Variants in AARSD1 observed in about 807,000 individuals in gnomAD.
AARSD1 encodes the protein alanyl-tRNA editing protein Aarsd1.
Under a neutral mutation model 48.7 loss-of-function variants are expected in AARSD1, and 44 were observed. The ratio of observed to expected loss-of-function variants is 0.90; its 90% confidence interval spans 0.71 to 1.16. AARSD1 has a LOEUF of 1.16. AARSD1 is among the 50% of genes most tolerant of loss of function. The pLI, the probability that AARSD1 is intolerant of heterozygous loss-of-function variation, is 0.00. For missense variants in AARSD1, 511 were observed against 523.1 expected (o/e 0.98, Z 0.23); for synonymous variants, 189 against 194.9 (o/e 0.97, Z 0.25).
Position 42,954,915 on chromosome 17 carries a change from C to T in AARSD1, c.914G>A (p.Arg305Lys). 1 of 1,614,146 alleles carries T rather than the reference C, an allele frequency of 6.2e-7. No individual in the cohort carries two copies. The highest frequency in any genetic ancestry group is 8.5e-7 in the Non-Finnish European group (1 of 1,180,016). Residue 305 changes from arginine (R) to lysine (K), a missense_variant, in exon 9 of 12, where the codon AGG becomes AAG. Transcript: ENST00000427569. ...CACACCTCCCCAGTCTGGACTGTTC[C>T]TGAGGCTATGGGCAATGTGCACAGC... ...DLAVHIAHSLRNSPDWGGVVI... is the reference protein window; with the variant it reads ...DLAVHIAHSLKNSPDWGGVVI...
intron 7 of AARSD1, 200 bp downstream of exon 7, chr17:42,955,642 G>A (rs1228224795): frequency 1.6e-5 from 12 of 759,506 alleles, no homozygotes; most frequent in Non-Finnish European, 2.4e-5. Flanking sequence ...GGGGTTTCAC[G>A]GTGTTAGCCA....
At chr17:42,963,518 C>A (rs1279457610) in intron 2 of AARSD1, among the ~76,000 whole-genome samples, 1 of 152,080 alleles carries the variant, frequency 6.6e-6, no homozygotes, top group East Asian at 1.9e-4. Flanking sequence ...CACTTGCGCT[C>A]ATGTTGTACC....
intron 2 of AARSD1, chr17:42,962,309 A>G (rs1396992191): frequency 9.9e-6 from 2 of 202,136 alleles, no homozygotes; most frequent in Non-Finnish European, 2.1e-5. Context: ...AAAAAAAAAA[A>G]AAAAAAAAGT....
intron 9 of AARSD1, 71 bp from the exon 10 acceptor site, chr17:42,953,849 C>T (rs2049511148): frequency 6.2e-7 from 1 of 1,601,134 alleles, no homozygotes; most frequent in African/African-American, 1.3e-5. Flanking sequence ...AGCCTGGCCC[C>T]TCCTTCTGAG....
chr17:42,954,817 C>A, intron 9 of AARSD1, 59 bp downstream of exon 9: 1 of 1,571,630 alleles, frequency 6.4e-7, no homozygotes, highest in Non-Finnish European at 8.8e-7. Context: ...ATAGAGAAGA[C>A]ACTGAGCCCT....
In AARSD1 at chr17:42,953,688, T is replaced by C. The variant is rs147677113; in HGVS notation, c.1008+36A>G. ...TCACTTATGTCTCCCTAGGTCTCTA[T>C]CCAGGCCGGGGTAGAGAATCTCATG... On this transcript the variant is annotated intron_variant, in intron 10 of 11. Transcript: ENST00000427569. 7.5e-5 allele frequency: 121 copies of C among 1,614,034 alleles called. 2 individuals carry two copies. In the East Asian group the frequency reaches 2.7e-3, roughly 36 times the overall value.
chr17:42,962,763 G>A (rs947755231), intron 2 of AARSD1, among the ~76,000 whole-genome samples: 2 of 152,210 alleles, frequency 1.3e-5, no homozygotes, highest in Non-Finnish European at 2.9e-5. Context: ...CCAGGGCAGT[G>A]GCTCACACCT....
chr17:42,951,083 G>A (rs1214874681), intron 11 of AARSD1, among the ~76,000 whole-genome samples: 1 of 152,112 alleles, frequency 6.6e-6, no homozygotes, highest in Non-Finnish European at 1.5e-5. Context: ...GCTTGAACCC[G>A]GGAGGCAGAG....
intron 9 of AARSD1, among the ~76,000 whole-genome samples, chr17:42,954,248 C>T (rs7213940): frequency 0.81 from 123,154 of 151,962 alleles, 52,236 homozygotes; most frequent in East Asian, 1. Flanking sequence ...CCCAGCTACT[C>T]GGGAGGCTGA....
rs1567717987 is a variant in AARSD1 at position 42,961,192 on chromosome 17, C to CT, written c.330dup (p.Gly111ArgfsTer10). 1 of 1,609,446 alleles carries CT rather than the reference C, an allele frequency of 6.2e-7. No homozygotes were observed. Among genetic ancestry groups the CT allele is most frequent in the East Asian group, 2.2e-5 (1 of 44,774 alleles). On this transcript the variant is annotated frameshift_variant and splice_region_variant, in exon 3 of 12. Transcript: ENST00000427569. LOFTEE classifies it high-confidence loss of function. Reference sequence around the variant, plus strand: ...TTATGTCCCCCATCCCAGCCTTTACCTGAATGCTGCTGCATGTGGTCAAAC... The same window carrying CT: ...TTATGTCCCCCATCCCAGCCTTTACCTTGAATGCTGCTGCATGTGGTCAAAC...
intron 10 of AARSD1, among the ~76,000 whole-genome samples, chr17:42,952,675 AAAACAAACAAAC>A (rs568954502): frequency 6.6e-6 from 1 of 152,060 alleles, no homozygotes; most frequent in African/African-American, 2.4e-5. Flanking sequence ...GTCTCTGAAA[AAAACAAACAAAC>A]AAACAAACAA....
At position 42,964,204 on chromosome 17, in the gene AARSD1, C is replaced by G; in HGVS notation, c.73G>C (p.Glu25Gln). Residue 25 changes from glutamate (E) to glutamine (Q), a missense_variant, in exon 2 of 12, where the codon GAG becomes CAG. Transcript: ENST00000427569. ...CCGTTGCTCCCTTCAGTCTGCAGCT[C>G]CGCGGGACAGCAGGAGACCACGGTG... The part of the protein sequence containing the change: ...TTTVVSCCPA[E>Q]LQTEGSNGKK... 6.2e-7 allele frequency: 1 copy of G among 1,614,208 alleles called. No homozygotes were observed. The highest frequency in any genetic ancestry group is 8.5e-7 in the Non-Finnish European group (1 of 1,180,042).
At chr17:42,953,127 A>G (rs910584945) in intron 10 of AARSD1, among the ~76,000 whole-genome samples, 4 of 151,848 alleles carry the variant, frequency 2.6e-5, no homozygotes, top group East Asian at 3.9e-4. Flanking sequence ...TTACAGGCGC[A>G]TGCCACCACG....
chr17:42,954,979 A>G lies in AARSD1; in HGVS notation c.862-12T>C. The stretch of plus-strand genomic sequence containing the variant: ...AGATTCAGGTTATTCTGAAATGGAT[A>G]TGGTAACTCAGTAGATAAATGGAAA... On this transcript the variant is annotated splice_polypyrimidine_tract_variant and intron_variant, in intron 8 of 11. Transcript: ENST00000427569. The G allele has an allele frequency of 6.2e-7, 1 of 1,614,124 alleles. No homozygotes were observed. Among genetic ancestry groups the G allele is most frequent in the Non-Finnish European group, 8.5e-7 (1 of 1,179,996 alleles).
intron 1 of AARSD1, 44 bp from the exon 2 acceptor site, chr17:42,964,281 AGCCCT>A (rs2151944366): frequency 1.4e-6 from 2 of 1,454,264 alleles, no homozygotes; most frequent in Non-Finnish European, 1.8e-6. Flanking sequence ...CCCCAGCCCT[AGCCCT>A]AGCCCTCTCC....
chr17:42,956,591 T>A (rs371144285), intron 4 of AARSD1, 31 bp from the exon 5 acceptor site: 1 of 1,553,408 alleles, frequency 6.4e-7, no homozygotes, highest in African/African-American at 1.4e-5. Flanking sequence ...ACAGATAACA[T>A]ATCTTACTGA....
intron 8 of AARSD1, 40 bp downstream of exon 8, chr17:42,955,118 C>A: frequency 6.2e-7 from 1 of 1,613,670 alleles, no homozygotes. Context: ...CTATCCTAGG[C>A]AGGGCCCATG....
At chr17:42,954,773 C>T in intron 9 of AARSD1, 103 bp downstream of exon 9, 1 of 1,295,304 alleles carries the variant, frequency 7.7e-7, no homozygotes, top group Non-Finnish European at 1.1e-6. Flanking sequence ...TTGAGAATAC[C>T]AGTGAGCAAT....
Position 42,964,121 on chromosome 17 carries a change from A to C in AARSD1, c.156T>G (p.Pro52=). 1 of 1,614,184 alleles carries C rather than the reference A, an allele frequency of 6.2e-7. No homozygotes were observed. Among genetic ancestry groups the C allele is most frequent in the Non-Finnish European group, 8.5e-7 (1 of 1,180,026 alleles). The change falls in exon 2 of 12, where the codon CCT becomes CCG. Residue 52 remains proline (P), a synonymous_variant. Coordinates refer to ENST00000427569, the MANE Select transcript of AARSD1 (RefSeq NM_001261434.2). ...GTTTTGGTACCTGTCCCCCGCCCTC[A>C]GGGAAAAGCACTGTGTCTTCCAGCA... is the stretch of plus-strand genomic sequence containing the variant. ...QVVLEDTVLF[P]EGGGQPDDRG...
Sources: gnomAD v4.1 joint callset for allele counts (sites outside exome capture counted in the v4.1 genomes callset) on GRCh38, gnomAD v4.1.1 for gene constraint, MANE v1.5 for transcripts, NCBI Gene and HGNC (gene_info 2026-07-23, HGNC 2026-07-21) for gene names.